Variants in ZDHHC17 observed in about 807,000 individuals in gnomAD.
ZDHHC17 encodes the protein palmitoyltransferase ZDHHC17.
A neutral mutation model predicts 90.3 loss-of-function variants in ZDHHC17; 40 were observed. That is an observed-to-expected ratio of 0.44 (90% CI 0.34 to 0.58). ZDHHC17 has a LOEUF of 0.58. Among genes scored for constraint, ZDHHC17 ranks in the 20% least tolerant of loss-of-function variants. ZDHHC17 has a pLI of 0.01. For missense variants in ZDHHC17, 614 were observed against 780.8 expected (o/e 0.79, Z 2.55); for synonymous variants, 235 against 252.4 (o/e 0.93, Z 0.65).
intron 13 of ZDHHC17, 77 bp downstream of exon 13, chr12:76,845,879 T>G (rs1006289979): frequency 5.1e-6 from 4 of 788,590 alleles, no homozygotes; most frequent in Admixed American, 2.3e-5. Flanking sequence ...AATATTAAAG[T>G]AGGCAATAGA....
At chr12:76,850,137 G>A (rs1953545540) in intron 16 of ZDHHC17, among the ~76,000 whole-genome samples, 2 of 151,942 alleles carry the variant, frequency 1.3e-5, no homozygotes, top group African/African-American at 4.8e-5. Flanking sequence ...GGCTGGTCCT[G>A]AACTCCTGAC....
At chr12:76,846,774 G>T (rs746220206) in intron 14 of ZDHHC17, 95 bp downstream of exon 14, 31 of 1,126,876 alleles carry the variant, frequency 2.8e-5, no homozygotes, top group African/African-American at 6.3e-5. Flanking sequence ...GACAAAGGTC[G>T]TTTAACTAAA....
At chr12:76,814,111 A>C (rs761075445) in intron 5 of ZDHHC17, among the ~76,000 whole-genome samples, 1 of 152,016 alleles carries the variant, frequency 6.6e-6, no homozygotes, top group Non-Finnish European at 1.5e-5. Context: ...CATAGAGGAT[A>C]ATCAGTTCAG....
At chr12:76,850,167 G>A (rs1364778983) in intron 16 of ZDHHC17, among the ~76,000 whole-genome samples, 6 of 151,914 alleles carry the variant, frequency 3.9e-5, no homozygotes, top group East Asian at 1.9e-4. Flanking sequence ...CACCCGCCTC[G>A]GCCTCCCAAA....
chr12:76,851,763 C>T lies in ZDHHC17; in HGVS notation c.*778C>T, dbSNP rs1299712989. 6.6e-6 allele frequency: 1 copy of T among 152,572 alleles called. No individual in the cohort carries two copies. Among genetic ancestry groups the T allele is most frequent in the African/African-American group, 2.4e-5 (1 of 41,424 alleles). 9.5% of individuals were successfully genotyped at this position (152,572 alleles called of 1,614,324 possible). A position where few individuals can be genotyped will look rare whatever the true frequency, so the allele number is the denominator to read the frequency against. On this transcript the variant is annotated 3_prime_UTR_variant, in exon 17 of 17. Coordinates refer to ENST00000426126, the MANE Select transcript of ZDHHC17 (RefSeq NM_015336.4). ...TAGAATGTATACTAGCAGATACTAT[C>T]CAGTGAAGCATAAATTAGAATTTAA...
chr12:76,808,962 C>T, intron 3 of ZDHHC17, 81 bp from the exon 4 acceptor site: 1 of 800,638 alleles, frequency 1.2e-6, no homozygotes, highest in Non-Finnish European at 1.8e-6. Flanking sequence ...AAATAGAAAA[C>T]ATGTATTTAC....
chr12:76,848,130 T>G, intron 14 of ZDHHC17, 103 bp from the exon 15 acceptor site: 1 of 1,214,556 alleles, frequency 8.2e-7, no homozygotes, highest in South Asian at 1.5e-5. Context: ...CAGTTAAATC[T>G]AGACTGTTTG....
chr12:76,824,167 C>T (rs1953202954), intron 8 of ZDHHC17, among the ~76,000 whole-genome samples: 1 of 151,944 alleles, frequency 6.6e-6, no homozygotes, highest in South Asian at 2.1e-4. Flanking sequence ...TTACTTATGG[C>T]ATTATTAAAC....
chr12:76,773,997 C>T (rs925128028), intron 1 of ZDHHC17, among the ~76,000 whole-genome samples: 5 of 152,040 alleles, frequency 3.3e-5, no homozygotes, highest in African/African-American at 1.2e-4. Context: ...GCCTGTAAAT[C>T]CCAGCACTTT....
chr12:76,809,580 G>A lies in ZDHHC17; in HGVS notation c.399-133G>A. ...TAAAATCCTAAATGTATTTTGACATGTATCTATTTTAAAATAACTTTTCAA... is the reference window on the plus strand; with the variant it reads ...TAAAATCCTAAATGTATTTTGACATATATCTATTTTAAAATAACTTTTCAA... On this transcript the variant is annotated intron_variant, in intron 4 of 16. Transcript: ENST00000426126. 5 of 655,782 alleles carry A rather than the reference G, an allele frequency of 7.6e-6. No homozygotes were observed. The South Asian group carries it at 2.1e-4, about 28-fold the overall frequency. The allele number at this position is 655,782 out of a possible 1,614,324, so 40.6% of individuals were successfully genotyped here. A position where few individuals can be genotyped will look rare whatever the true frequency, so the allele number is the denominator to read the frequency against.
chr12:76,764,879 G>A (rs762844491), intron 1 of ZDHHC17: 4 of 455,638 alleles, frequency 8.8e-6, no homozygotes, highest in Non-Finnish European at 1.3e-5. Context: ...TTGTCCTTAA[G>A]CGATTAAGAA....
chr12:76,844,422 G>A (rs1435616636), intron 12 of ZDHHC17: 1 of 152,022 alleles, frequency 6.6e-6, no homozygotes, highest in African/African-American at 2.4e-5. Context: ...GAATTACTTT[G>A]TTGATTGCAC....
chr12:76,816,265 C>T (rs564556939), intron 7 of ZDHHC17, among the ~76,000 whole-genome samples: 5 of 151,736 alleles, frequency 3.3e-5, no homozygotes, highest in East Asian at 3.9e-4. Context: ...TAGGAGGACC[C>T]CCACCCCACC....
intron 8 of ZDHHC17, among the ~76,000 whole-genome samples, chr12:76,823,590 C>T (rs1225986678): frequency 6.6e-6 from 1 of 152,084 alleles, no homozygotes; most frequent in Non-Finnish European, 1.5e-5. Context: ...GTTTTGAGTA[C>T]CATCTTTTGT....
chr12:76,849,340 A>AC, intron 15 of ZDHHC17, 36 bp from the exon 16 acceptor site: 2 of 1,132,016 alleles, frequency 1.8e-6, no homozygotes, highest in Non-Finnish European at 2.5e-6. Flanking sequence ...AAAAAAAAAA[A>AC]ACAAGAATAA....
intron 8 of ZDHHC17, among the ~76,000 whole-genome samples, chr12:76,824,857 A>G (rs11115609): frequency 0.011 from 1,666 of 151,146 alleles, 12 homozygotes; most frequent in Non-Finnish European, 0.017. Flanking sequence ...AAAAAAAAAG[A>G]AAGGGGGACA....
intron 12 of ZDHHC17, among the ~76,000 whole-genome samples, chr12:76,843,488 T>TTAAA (rs1324027268): frequency 1.3e-5 from 2 of 152,026 alleles, no homozygotes; most frequent in Non-Finnish European, 2.9e-5. Flanking sequence ...TTATCATAGA[T>TTAAA]TTTTAAAGTG....
intron 8 of ZDHHC17, among the ~76,000 whole-genome samples, chr12:76,826,617 G>A (rs1480828947): frequency 2.6e-5 from 4 of 152,154 alleles, no homozygotes; most frequent in Non-Finnish European, 5.9e-5. Context: ...CTGTTTGCTA[G>A]CCAGTGTATG....
chr12:76,811,768 G>A lies in ZDHHC17; in HGVS notation c.543+1911G>A, dbSNP rs1323468544. On this transcript the variant is annotated intron_variant, in intron 5 of 16. Transcript: ENST00000426126. ...TGAGGTTACTTCCTTTAATAATGTA[G>A]TATGTATTTTAAGAGATTTTATTCC... 2.6e-5 allele frequency among the ~76,000 whole-genome samples: 4 copies of A among 151,996 alleles called. No homozygotes were observed. The East Asian group carries it at 7.7e-4, about 29-fold the overall frequency.
Sources: gnomAD v4.1 joint callset for allele counts (sites outside exome capture counted in the v4.1 genomes callset) on GRCh38, gnomAD v4.1.1 for gene constraint, MANE v1.5 for transcripts, NCBI Gene and HGNC (gene_info 2026-07-23, HGNC 2026-07-21) for gene names.